CAMK2B: variants seen among roughly 807,000 people sequenced by gnomAD.
CAMK2B encodes calcium/calmodulin-dependent protein kinase type II subunit beta.
In CAMK2B, 27 loss-of-function variants were observed where a neutral mutation model predicts 93.7. That is an observed-to-expected ratio of 0.29 (90% confidence interval 0.21 to 0.40). CAMK2B has a LOEUF of 0.40. Ranked by LOEUF, CAMK2B falls within the 10% of genes least tolerant of loss-of-function variation. The pLI is 1.00. For synonymous variants in CAMK2B, 374 were observed against 358.8 expected (o/e 1.04, Z -0.48); for missense variants, 568 against 895.8 (o/e 0.63, Z 4.67).
At chr7:44,316,688 C>A (rs1794897782) in intron 1 of CAMK2B, among the ~76,000 whole-genome samples, 1 of 152,202 alleles carries the variant, frequency 6.6e-6, no homozygotes, top group Non-Finnish European at 1.5e-5. Context: ...AAGTCAGTCT[C>A]TACTTGTTAT....
chr7:44,237,514 A>G (rs1392236267), intron 13 of CAMK2B, among the ~76,000 whole-genome samples: 2 of 152,138 alleles, frequency 1.3e-5, no homozygotes, highest in African/African-American at 4.8e-5. Flanking sequence ...TTTTAAAACA[A>G]TCGCTTGTGC....
chr7:44,281,577 G>A lies in CAMK2B; in HGVS notation c.160+2554C>T, dbSNP rs1584554241. On this transcript the variant is annotated intron_variant, in intron 2 of 23. Transcript: ENST00000395749. ...ACTCAGCAGACACCCCAGGACCCTG[G>A]CCAGGCCTCTCGGCATCAGCAGCTT... Among the ~76,000 whole-genome samples the A allele has an allele frequency of 2.0e-5, 3 of 152,272 alleles. No homozygotes were observed. The East Asian group carries it at 5.8e-4, about 29-fold the overall frequency.
chr7:44,229,491 G>A lies in CAMK2B; in HGVS notation c.1236C>T (p.Val412=), dbSNP rs2096557221. The change falls in exon 18 of 24, where the codon GTC becomes GTT. Residue 412 remains valine, a synonymous_variant. Coordinates refer to ENST00000395749, the MANE Select transcript of CAMK2B (RefSeq NM_001220.5). Reference sequence around the variant, plus strand: ...TCCTCACTGAGCTCAGGATGTCGGGGACCCTGGGGGCTGAGGCGGAACAGG... The same window carrying A: ...TCCTCACTGAGCTCAGGATGTCGGGAACCCTGGGGGCTGAGGCGGAACAGG... ...IEDEDAKAPR[V]PDILSSVRRG... is the part of the protein sequence containing the mutation. 1 of 1,438,498 alleles carries A rather than the reference G, an allele frequency of 7.0e-7. No individual in the cohort carries two copies. Among genetic ancestry groups the A allele is most frequent in the Non-Finnish European group, 9.1e-7 (1 of 1,094,538 alleles). The allele number at this position is 1,438,498 out of a possible 1,614,324, so 89.1% of individuals were successfully genotyped here.
intron 13 of CAMK2B, among the ~76,000 whole-genome samples, chr7:44,238,298 G>A (rs894870954): frequency 4.6e-5 from 7 of 152,168 alleles, no homozygotes; most frequent in African/African-American, 1.7e-4. Flanking sequence ...ATGCACCGTC[G>A]CCCCACGTTC....
intron 6 of CAMK2B, chr7:44,245,146 A>G: frequency 2.7e-6 from 1 of 364,660 alleles, no homozygotes; most frequent in South Asian, 2.0e-5. Context: ...AAGGAGCGTT[A>G]AGTGAACATG....
chr7:44,269,830 G>A (rs2096956746), intron 2 of CAMK2B, among the ~76,000 whole-genome samples: 1 of 152,122 alleles, frequency 6.6e-6, no homozygotes, highest in East Asian at 1.9e-4. Context: ...GTGCTGGCTG[G>A]GGGATGCAGC....
At chr7:44,270,161 GC>G (rs774269188) in intron 2 of CAMK2B, among the ~76,000 whole-genome samples, 13 of 151,820 alleles carry the variant, frequency 8.6e-5, no homozygotes, top group Non-Finnish European at 1.8e-4. Context: ...CCCCCCACTA[GC>G]ACCAGCGCTC....
intron 1 of CAMK2B, among the ~76,000 whole-genome samples, chr7:44,324,850 G>A (rs1222211549): frequency 4.6e-5 from 7 of 152,120 alleles, no homozygotes; most frequent in Non-Finnish European, 8.8e-5. Flanking sequence ...CACCCCCAGC[G>A]CGGATGGGGC....
At chr7:44,252,867 C>T (rs937411575) in intron 5 of CAMK2B, among the ~76,000 whole-genome samples, 3 of 152,250 alleles carry the variant, frequency 2.0e-5, no homozygotes, top group African/African-American at 4.8e-5. Context: ...AGGAAAACCT[C>T]GTCTTCCTCC....
intron 2 of CAMK2B, among the ~76,000 whole-genome samples, chr7:44,276,334 C>G (rs1248946461): frequency 6.6e-6 from 1 of 152,186 alleles, no homozygotes; most frequent in Non-Finnish European, 1.5e-5. Context: ...CTCATTATCC[C>G]CCTGAGCAGG....
At chr7:44,302,566 G>A (rs942201555) in intron 1 of CAMK2B, among the ~76,000 whole-genome samples, 2 of 151,982 alleles carry the variant, frequency 1.3e-5, no homozygotes, top group Non-Finnish European at 2.9e-5. Flanking sequence ...ATGATCATGC[G>A]GGATTTATCC....
intron 1 of CAMK2B, among the ~76,000 whole-genome samples, chr7:44,322,223 G>A (rs962998520): frequency 6.6e-6 from 1 of 152,120 alleles, no homozygotes; most frequent in African/African-American, 2.4e-5. Context: ...CAAGTTCCAG[G>A]TTTTTTATGT....
intron 1 of CAMK2B, among the ~76,000 whole-genome samples, chr7:44,290,560 A>C (rs976717691): frequency 6.6e-6 from 1 of 152,260 alleles, no homozygotes; most frequent in Non-Finnish European, 1.5e-5. Flanking sequence ...GGGACACCCC[A>C]GCAGGCACAA....
intron 2 of CAMK2B, among the ~76,000 whole-genome samples, chr7:44,265,577 G>C (rs2096915345): frequency 6.6e-6 from 1 of 152,218 alleles, no homozygotes; most frequent in Non-Finnish European, 1.5e-5. Flanking sequence ...GGAGAAAGAT[G>C]CAATTATGAA....
chr7:44,297,556 A>T (rs1211915811), intron 1 of CAMK2B, among the ~76,000 whole-genome samples: 1 of 152,230 alleles, frequency 6.6e-6, no homozygotes, highest in Non-Finnish European at 1.5e-5. Flanking sequence ...AGATTATCTT[A>T]TTGGATCAAA....
At chr7:44,233,326 C>T (rs1018178181) in intron 15 of CAMK2B, among the ~76,000 whole-genome samples, 4 of 152,224 alleles carry the variant, frequency 2.6e-5, no homozygotes, top group Admixed American at 6.5e-5. Flanking sequence ...GGCTGTGAGG[C>T]TGGCACGTGG....
intron 19 of CAMK2B, among the ~76,000 whole-genome samples, chr7:44,228,556 C>T (rs1046922086): frequency 3.3e-5 from 5 of 151,952 alleles, no homozygotes; most frequent in South Asian, 2.1e-4. Context: ...GGACAGCGAG[C>T]GGGGAGTGGC....
At chr7:44,294,421 G>C (rs985855819) in intron 1 of CAMK2B, among the ~76,000 whole-genome samples, 2 of 152,196 alleles carry the variant, frequency 1.3e-5, no homozygotes, top group African/African-American at 4.8e-5. Context: ...GACCAGCCCA[G>C]AACAGGCATG....
rs1356173896 is a variant in CAMK2B at position 44,219,410 on chromosome 7, C to G, written c.*115G>C. ...ATCTGGTCTTGTTTTTCTGCAGACA[C>G]AGGCACCAGGGGAGGGAACGAGGCA... is the stretch of plus-strand genomic sequence containing the variant. On this transcript the variant is annotated 3_prime_UTR_variant, in exon 24 of 24. Coordinates refer to ENST00000395749, the MANE Select transcript of CAMK2B (RefSeq NM_001220.5). 7.9e-6 allele frequency: 1 copy of G among 126,032 alleles called. No homozygotes were observed. Among genetic ancestry groups the G allele is most frequent in the African/African-American group, 3.0e-5 (1 of 33,610 alleles). The allele number at this position is 126,032 out of a possible 1,614,324, so 7.8% of individuals were successfully genotyped here.
Sources: allele counts gnomAD v4.1 joint callset (sites outside exome capture counted in the v4.1 genomes callset), GRCh38; gene constraint gnomAD v4.1.1; transcripts MANE v1.5; gene names NCBI Gene and HGNC (gene_info 2026-07-23, HGNC 2026-07-21).